MYO6: variants seen among roughly 807,000 people sequenced by gnomAD.
The protein encoded by MYO6 is unconventional myosin-VI.
Under a neutral mutation model 178.7 loss-of-function variants are expected in MYO6, and 74 were observed. The ratio of observed to expected loss-of-function variants is 0.41; its 90% CI spans 0.34 to 0.50. MYO6 has a LOEUF of 0.50. MYO6 is among the 20% of genes least tolerant of loss of function. MYO6 has a pLI of 0.09. For synonymous variants in MYO6, 477 were observed against 504.6 expected (o/e 0.95, Z 0.73); for missense variants, 1,330 against 1,547.4 (o/e 0.86, Z 2.36).
chr6:75,860,315 T>TA (rs1776096069), intron 14 of MYO6, among the ~76,000 whole-genome samples: 1 of 152,208 alleles, frequency 6.6e-6, no homozygotes, highest in Non-Finnish European at 1.5e-5. Context: ...AACAAGTACT[T>TA]ACCAGTAAGA....
At chr6:75,912,881 G>T (rs984450823) in intron 33 of MYO6, among the ~76,000 whole-genome samples, 5 of 152,064 alleles carry the variant, frequency 3.3e-5, no homozygotes, top group African/African-American at 4.8e-5. Flanking sequence ...CCTTCATAGG[G>T]ATATATAGCT....
intron 29 of MYO6, among the ~76,000 whole-genome samples, chr6:75,897,513 T>A (rs1226603961): frequency 6.6e-6 from 1 of 152,178 alleles, no homozygotes; most frequent in East Asian, 1.9e-4. Context: ...ACTCCTTTAG[T>A]CAGGGTCCCA....
At chr6:75,834,648 G>C (rs182755398) in intron 6 of MYO6, among the ~76,000 whole-genome samples, 1 of 152,144 alleles carries the variant, frequency 6.6e-6, no homozygotes, top group Admixed American at 6.5e-5. Flanking sequence ...TTGAACTACT[G>C]CTAGGAGCAG....
chr6:75,894,544 A>G (rs1418382291), intron 28 of MYO6, among the ~76,000 whole-genome samples: 2 of 152,038 alleles, frequency 1.3e-5, no homozygotes, highest in Non-Finnish European at 2.9e-5. Flanking sequence ...GTGAACTACA[A>G]GCATTAGCAC....
chr6:75,877,723 A>G (rs943027996), intron 20 of MYO6, among the ~76,000 whole-genome samples: 6 of 152,096 alleles, frequency 3.9e-5, no homozygotes, highest in Admixed American at 2.0e-4. Context: ...TCAAACTCCA[A>G]GAGTAAAAGC....
intron 1 of MYO6, among the ~76,000 whole-genome samples, chr6:75,763,762 T>C (rs1461994837): frequency 5.9e-5 from 9 of 152,238 alleles, no homozygotes; most frequent in African/African-American, 1.9e-4. Context: ...CCAAAATCAG[T>C]ATTTTATGAT....
At chr6:75,798,538 GA>G (rs1265994541) in intron 1 of MYO6, among the ~76,000 whole-genome samples, 1 of 152,170 alleles carries the variant, frequency 6.6e-6, no homozygotes, top group Non-Finnish European at 1.5e-5. Flanking sequence ...CATCTCAATA[GA>G]GGCAGAAAAA....
At chr6:75,805,002 C>CATATATATATATATAT (rs749031242) in intron 1 of MYO6, among the ~76,000 whole-genome samples, 7 of 63,968 alleles carry the variant, frequency 1.1e-4, no homozygotes, top group South Asian at 1.0e-3. Context: ...TACACACACA[C>CATATATATATATATAT]ATATATATAT....
chr6:75,756,002 A>T (rs1393045831), intron 1 of MYO6, among the ~76,000 whole-genome samples: 3 of 152,242 alleles, frequency 2.0e-5, no homozygotes, highest in Non-Finnish European at 4.4e-5. Context: ...GAAGACTCCC[A>T]GACTATTGGG....
intron 11 of MYO6, among the ~76,000 whole-genome samples, chr6:75,850,728 C>T (rs1473274555): frequency 1.3e-5 from 2 of 152,096 alleles, no homozygotes; most frequent in Non-Finnish European, 2.9e-5. Flanking sequence ...GTCTTAGTTT[C>T]CTCACTGTAA....
chr6:75,885,742 G>A (rs1267831555), intron 23 of MYO6, among the ~76,000 whole-genome samples: 1 of 152,138 alleles, frequency 6.6e-6, no homozygotes, highest in Admixed American at 6.5e-5. Context: ...CACCGCGCCC[G>A]GCCGAGAATC....
chr6:75,859,376 T>A (rs1237557947), intron 14 of MYO6, among the ~76,000 whole-genome samples: 2 of 151,742 alleles, frequency 1.3e-5, no homozygotes, highest in Admixed American at 6.6e-5. Flanking sequence ...CTCGGCTCAC[T>A]GCAGCCTCCG....
intron 5 of MYO6, among the ~76,000 whole-genome samples, chr6:75,831,576 G>A (rs947901637): frequency 1.3e-5 from 2 of 152,000 alleles, no homozygotes; most frequent in African/African-American, 2.4e-5. Context: ...TTTTTACTGC[G>A]AAAAAACAAG....
rs1776761550 is a variant in MYO6 at position 75,867,052 on chromosome 6, A to G, written c.1891A>G (p.Thr631Ala). Reference protein sequence around the residue: ...FESSTNNNKDTKQKAGKLSFI... With the variant: ...FESSTNNNKDAKQKAGKLSFI... ...ATCATCCACAAATAACAACAAAGAT[A>G]CTAAACAAAAAGCAGGAAAACTTAG... is the stretch of plus-strand genomic sequence containing the variant. Residue 631 changes from threonine to alanine, a missense_variant, in exon 18 of 35, where the codon ACT becomes GCT. By Grantham distance (58) the Thr-to-Ala change is moderately conservative. Transcript: ENST00000369977. 2.5e-6 allele frequency: 4 copies of G among 1,614,024 alleles called. No homozygotes were observed. Among genetic ancestry groups the G allele is most frequent in the Non-Finnish European group, 3.4e-6 (4 of 1,179,930 alleles).
intron 1 of MYO6, among the ~76,000 whole-genome samples, chr6:75,796,467 T>C (rs1215809058): frequency 6.6e-6 from 1 of 152,192 alleles, no homozygotes; most frequent in East Asian, 1.9e-4. Context: ...CAGGGGTACA[T>C]GTACAGGTTT....
chr6:75,884,020 A>G (rs1778239352), intron 23 of MYO6, among the ~76,000 whole-genome samples: 1 of 152,254 alleles, frequency 6.6e-6, no homozygotes, highest in South Asian at 2.1e-4. Context: ...AATAAAATAC[A>G]GAAACATCTT....
At chr6:75,863,872 T>C (rs1776423405) in intron 16 of MYO6, among the ~76,000 whole-genome samples, 1 of 152,120 alleles carries the variant, frequency 6.6e-6, no homozygotes, top group African/African-American at 2.4e-5. Flanking sequence ...ACTGTGTGGC[T>C]ATTGAGATGT....
intron 33 of MYO6, among the ~76,000 whole-genome samples, chr6:75,913,108 CT>C (rs1196862837): frequency 6.6e-6 from 1 of 152,130 alleles, no homozygotes; most frequent in East Asian, 1.9e-4. Context: ...TAGTGAGACT[CT>C]TAACTGAGCT....
Position 75,800,882 on chromosome 6 carries a change from G to A in MYO6, c.-47-16619G>A, listed in dbSNP as rs147945611. Among the ~76,000 whole-genome samples, 700 of 152,142 alleles carry A rather than the reference G, an allele frequency of 4.6e-3. 10 individuals are homozygous for A. The highest frequency in any genetic ancestry group is 0.016 in the African/African-American group (671 of 41,520). ...ATTACAGGTGCATGCCACCACACCCGGCTAATTTTTGTATTTTTAGTAGAG... is the reference window on the plus strand; with the variant it reads ...ATTACAGGTGCATGCCACCACACCCAGCTAATTTTTGTATTTTTAGTAGAG... On this transcript the variant is annotated intron_variant, in intron 1 of 34. Coordinates refer to ENST00000369977, the MANE Select transcript of MYO6 (RefSeq NM_004999.4).
Sources: allele counts gnomAD v4.1 joint callset (sites outside exome capture counted in the v4.1 genomes callset), GRCh38; gene constraint gnomAD v4.1.1; transcripts MANE v1.5; gene names NCBI Gene and HGNC (gene_info 2026-07-23, HGNC 2026-07-21).